NUDT12: variants seen among roughly 807,000 people sequenced by gnomAD.
The protein encoded by NUDT12 is nudix hydrolase 12.
A neutral mutation model predicts 45.7 loss-of-function variants in NUDT12; 42 were observed. The observed-to-expected ratio is 0.92, with a 90% CI of 0.72 to 1.19. The LOEUF (loss-of-function observed/expected upper bound fraction) is 1.19. Among genes scored for constraint, NUDT12 ranks in the 50% most tolerant of loss-of-function variants. The probability of loss-of-function intolerance (pLI) is 0.00; values close to 1 mark genes in which losing one functional copy is unlikely to be tolerated. For synonymous variants in NUDT12, 206 were observed against 179.7 expected (o/e 1.15, Z -1.17); for missense variants, 590 against 533.1 (o/e 1.11, Z -1.05).
intron 5 of NUDT12, chr5:103,554,497 A>G (rs1748751245): frequency 4.6e-6 from 1 of 215,198 alleles, no homozygotes; most frequent in Admixed American, 5.7e-5. Flanking sequence ...GCAACATATC[A>G]AAGAGCAAAT....
In NUDT12 at chr5:103,556,081, T is replaced by C; in HGVS notation, c.814A>G (p.Arg272Gly). The change falls in exon 4 of 7, where the codon AGA (arginine) becomes GGA (glycine). Residue 272 changes from arginine (R) to glycine (G), a missense_variant. Coordinates refer to ENST00000230792, the MANE Select transcript of NUDT12 (RefSeq NM_031438.4). ...EKEAGVVAQA[R>G]SVLAWHSRYK... The stretch of plus-strand genomic sequence containing the variant: ...CGACTGTGCCAGGCAAGAACAGATC[T>C]TGCTTGAGCTACAACCCCTTCAAAA... 1 of 1,603,500 alleles carries C rather than the reference T, an allele frequency of 6.2e-7. No homozygotes were observed. Among genetic ancestry groups the C allele is most frequent in the Non-Finnish European group, 8.5e-7 (1 of 1,175,600 alleles).
Position 103,559,241 on chromosome 5 carries a change from T to C in NUDT12, c.434A>G (p.His145Arg). The C allele has an allele frequency of 5.1e-6, 8 of 1,578,460 alleles. No individual in the cohort carries two copies. Among genetic ancestry groups the C allele is most frequent in the Non-Finnish European group, 6.9e-6 (8 of 1,165,056 alleles). ...GAAAAGAATAAAAACTGTGGCTGGA[T>C]GGCTTTCTTTAGCTAGCAGCCAGTC... ...NSDWLLAKES[H>R]PATVFILFSD... The change falls in exon 3 of 7, where the codon CAT (histidine) becomes CGT (arginine). Residue 145 changes from histidine to arginine, a missense_variant. Coordinates refer to ENST00000230792, the MANE Select transcript of NUDT12 (RefSeq NM_031438.4).
intron 3 of NUDT12, among the ~76,000 whole-genome samples, chr5:103,558,616 C>T (rs1284450744): frequency 2.0e-5 from 3 of 152,058 alleles, no homozygotes; most frequent in Non-Finnish European, 4.4e-5. Context: ...GTAGCAGGAA[C>T]TAAGAATTAT....
At chr5:103,554,951 C>A (rs1195145481) in intron 4 of NUDT12, 98 bp from the exon 5 acceptor site, 3 of 471,510 alleles carry the variant, frequency 6.4e-6, no homozygotes, top group Non-Finnish European at 7.8e-6. Flanking sequence ...AGGTATATCT[C>A]CTATAGGGAT....
Position 103,550,817 on chromosome 5 carries a change from T to A in NUDT12, c.*44A>T. The A allele has an allele frequency of 7.7e-7, 1 of 1,297,858 alleles. No individual in the cohort carries two copies. Among genetic ancestry groups the A allele is most frequent in the Non-Finnish European group, 1.1e-6 (1 of 894,154 alleles). The allele number at this position is 1,297,858 out of a possible 1,614,324, so 80.4% of individuals were successfully genotyped here. On this transcript the variant is annotated 3_prime_UTR_variant, in exon 7 of 7. Coordinates refer to ENST00000230792, the MANE Select transcript of NUDT12 (RefSeq NM_031438.4). ...TCTAATATCACTTGAGGAATGAGTG[T>A]TATTAGAAATTATTAAATAATACTC...
intron 1 of NUDT12, among the ~76,000 whole-genome samples, chr5:103,561,763 A>G (rs1749038767): frequency 6.6e-6 from 1 of 152,178 alleles, no homozygotes; most frequent in South Asian, 2.1e-4. Context: ...ATAATATTTC[A>G]CTGTCTCATG....
rs1224725758 is a variant in NUDT12 at position 103,556,059 on chromosome 5, C to T, written c.836G>A (p.Ser279Asn). The T allele has an allele frequency of 6.2e-7, 1 of 1,611,904 alleles. No homozygotes were observed. Among genetic ancestry groups the T allele is most frequent in the East Asian group, 2.2e-5 (1 of 44,814 alleles). The change falls in exon 4 of 7, where the codon AGT becomes AAT. Residue 279 changes from serine (S) to asparagine (N), a missense_variant. Ser to Asn is a conservative substitution (Grantham distance 46). Coordinates refer to ENST00000230792, the MANE Select transcript of NUDT12 (RefSeq NM_031438.4). Reference protein sequence around the residue: ...AQARSVLAWHSRYKFCPTCGN... With the variant: ...AQARSVLAWHNRYKFCPTCGN... ...ACAGGTTGGGCAAAACTTGTATCGA[C>T]TGTGCCAGGCAAGAACAGATCTTGC...
Position 103,550,868 on chromosome 5 carries a change from T to C in NUDT12, c.1382A>G (p.Asn461Ser). ...AAAGCTTAGTTCTTAGATTTAGAGA[T>C]TAGGATTTATTCTAATCCAGTGTTT... ...LIKHWIRINP[N>S]L Residue 461 changes from asparagine (N) to serine (S), a missense_variant, in exon 7 of 7, where the codon AAT becomes AGT. Asn to Ser is a conservative substitution (Grantham distance 46, BLOSUM62 1). Coordinates refer to ENST00000230792, the MANE Select transcript of NUDT12 (RefSeq NM_031438.4). The C allele has an allele frequency of 6.2e-7, 1 of 1,601,306 alleles. No homozygotes were observed. Among genetic ancestry groups the C allele is most frequent in the South Asian group, 1.1e-5 (1 of 90,810 alleles).
At chr5:103,554,923 T>A in intron 4 of NUDT12, 70 bp from the exon 5 acceptor site, 1 of 590,176 alleles carries the variant, frequency 1.7e-6, no homozygotes, top group Admixed American at 2.4e-5. Flanking sequence ...ACAAACACTG[T>A]CTGATAGGAT....
intron 3 of NUDT12, among the ~76,000 whole-genome samples, chr5:103,558,447 C>A (rs866505505): frequency 2.6e-5 from 4 of 152,068 alleles, no homozygotes; most frequent in Non-Finnish European, 5.9e-5. Flanking sequence ...ATGATGCAGC[C>A]AGTGTGCAGT....
intron 5 of NUDT12, among the ~76,000 whole-genome samples, chr5:103,553,625 T>C (rs1185816218): frequency 6.6e-6 from 1 of 152,094 alleles, no homozygotes; most frequent in Admixed American, 6.6e-5. Context: ...ACTCTATGTA[T>C]ATAACCTAGA....
chr5:103,556,231 C>G (rs547762470), intron 3 of NUDT12, 133 bp from the exon 4 acceptor site: 3 of 519,974 alleles, frequency 5.8e-6, no homozygotes, highest in Non-Finnish European at 9.2e-6. Context: ...TTTTATAATG[C>G]GTATTCTTCT....
chr5:103,562,325 C>G (rs1166303423), intron 1 of NUDT12, among the ~76,000 whole-genome samples: 1 of 152,160 alleles, frequency 6.6e-6, no homozygotes, highest in African/African-American at 2.4e-5. Flanking sequence ...TCCCTGGGCA[C>G]TCAAGACCAA....
intron 1 of NUDT12, among the ~76,000 whole-genome samples, chr5:103,561,322 A>G (rs1384248477): frequency 6.6e-6 from 1 of 151,740 alleles, no homozygotes; most frequent in Non-Finnish European, 1.5e-5. Flanking sequence ...TGAATTGCAT[A>G]GCAGGAATAG....
rs150666792 is a variant in NUDT12 at position 103,559,399 on chromosome 5, C to T, written c.276G>A (p.Lys92=). ...CAGTAGCTAGTAAATTAGCTATATG[C>T]TTATAACCCCAAAATACAGCAATGT... ...ALDIAVFWGY[K]HIANLLATAK... is the part of the protein sequence containing the mutation. The change falls in exon 3 of 7, where the codon AAG becomes AAA. Residue 92 remains lysine (K), a synonymous_variant. Transcript: ENST00000230792. 98 of 1,611,676 alleles carry T rather than the reference C, an allele frequency of 6.1e-5. No individual in the cohort carries two copies. Among genetic ancestry groups the T allele is most frequent in the Admixed American group, 1.0e-4 (6 of 59,628 alleles).
Position 103,560,105 on chromosome 5 carries a change from A to T in NUDT12, c.144T>A (p.Thr48=). The change falls in exon 2 of 7, where the codon ACT becomes ACA. Residue 48 remains threonine (T), a synonymous_variant. Transcript: ENST00000230792. ...CATTCCTTGCCGCATACATTAAAGC[A>T]GTCCAGCCATTTTCAGAAGTTTCAT... ...LLNETSENGW[T]ALMYAARNGH... 2 of 1,614,020 alleles carry T rather than the reference A, an allele frequency of 1.2e-6. No homozygotes were observed. Among genetic ancestry groups the T allele is most frequent in the Non-Finnish European group, 1.7e-6 (2 of 1,179,894 alleles).
Position 103,552,558 on chromosome 5 carries a change from G to A in NUDT12, c.1079-142C>T, listed in dbSNP as rs567042543. On this transcript the variant is annotated intron_variant, in intron 5 of 6. Coordinates refer to ENST00000230792, the MANE Select transcript of NUDT12 (RefSeq NM_031438.4). ...GAAAGCAGAAGCCTAAAACTAGACT[G>A]TAATTGAAGAAAACAATTTTTTTAA... 9 of 606,952 alleles carry A rather than the reference G, an allele frequency of 1.5e-5. No homozygotes were observed. In the African/African-American group the frequency reaches 1.7e-4, roughly 11 times the overall value. 37.6% of individuals were successfully genotyped at this position (606,952 alleles called of 1,614,324 possible). A position where few individuals can be genotyped will look rare whatever the true frequency, so the allele number is the denominator to read the frequency against.
chr5:103,552,263 A>G lies in NUDT12; in HGVS notation c.1232T>C (p.Val411Ala). ...LALAVSTEIK[V>A]DKNEIEDARW... The stretch of plus-strand genomic sequence containing the variant: ...GGCATCCTCTATTTCATTCTTGTCA[A>G]CTTTAATTTCTGTAGACACTGCTAG... Residue 411 changes from valine (V) to alanine (A), a missense_variant, in exon 6 of 7, where the codon GTT becomes GCT. Transcript: ENST00000230792. 6.2e-7 allele frequency: 1 copy of G among 1,613,928 alleles called. No homozygotes were observed. Among genetic ancestry groups the G allele is most frequent in the Non-Finnish European group, 8.5e-7 (1 of 1,179,874 alleles).
chr5:103,559,999 T>C (rs765287429), intron 2 of NUDT12, 44 bp downstream of exon 2: 1 of 1,373,080 alleles, frequency 7.3e-7, no homozygotes, highest in East Asian at 2.3e-5. Context: ...AACAAAGAAA[T>C]TAAACCACAA....
Sources: gnomAD v4.1 joint callset for allele counts (sites outside exome capture counted in the v4.1 genomes callset) on GRCh38, gnomAD v4.1.1 for gene constraint, MANE v1.5 for transcripts, NCBI Gene and HGNC (gene_info 2026-07-23, HGNC 2026-07-21) for gene names.